SNX15: variants seen among roughly 807,000 people sequenced by gnomAD.
The protein encoded by SNX15 is sorting nexin 15.
A neutral mutation model predicts 35.2 loss-of-function variants in SNX15; 29 were observed. The ratio of observed to expected loss-of-function variants is 0.82; its 90% CI spans 0.61 to 1.12. The LOEUF is 1.12. Among genes scored for constraint, SNX15 ranks in the 50% most tolerant of loss-of-function variants. The pLI is 0.00. For missense variants in SNX15, 400 were observed against 451.5 expected, an observed-to-expected ratio of 0.89 and a Z score of 1.03; for synonymous variants, 189 against 188.2, an observed-to-expected ratio of 1.00 and a Z score of -0.03.
chr11:65,035,545 C>T lies in SNX15; in HGVS notation c.546C>T (p.Ala182=). ...TGGACCCCCCACCATCCAGCCCTGC[C>T]CAGGAGGCCCTGGATCTCCTCTTTA... ...VPVDPPPSSP[A]QEALDLLFNC... The change falls in exon 6 of 8, where the codon GCC becomes GCT. Residue 182 remains alanine (A), a synonymous_variant. Transcript: ENST00000377244. The T allele has an allele frequency of 6.2e-7, 1 of 1,612,782 alleles. No individual in the cohort carries two copies. Among genetic ancestry groups the T allele is most frequent in the Non-Finnish European group, 8.5e-7 (1 of 1,179,282 alleles).
chr11:65,031,586 G>C (rs915550219), intron 1 of SNX15, among the ~76,000 whole-genome samples: 3 of 152,188 alleles, frequency 2.0e-5, no homozygotes, highest in Non-Finnish European at 4.4e-5. Flanking sequence ...TAGATGGAGG[G>C]ACTTGGTCTG....
At chr11:65,036,935 A>G (rs1946510576) in intron 6 of SNX15, 1 of 152,262 alleles carries the variant, frequency 6.6e-6, no homozygotes, top group African/African-American at 2.4e-5. Flanking sequence ...TCCGCCTCCC[A>G]GAGTGCTGAG....
At chr11:65,039,113 C>T (rs746667039) in intron 7 of SNX15, among the ~76,000 whole-genome samples, 31 of 146,254 alleles carry the variant, frequency 2.1e-4, no homozygotes, top group Non-Finnish European at 4.1e-4. Flanking sequence ...AACCTCCGCC[C>T]CCCAGGTTCA....
At position 65,027,639 on chromosome 11, in the gene SNX15, G is replaced by C. The variant is rs1946387262; in HGVS notation, c.99+3G>C. ...CCGAGTACAAAGTAACCGCGCAGGT[G>C]AGGTGGGGCCCAGCGCGTACTTTAC... On this transcript the variant is annotated splice_donor_region_variant and intron_variant, in intron 1 of 7. Coordinates refer to ENST00000377244, the MANE Select transcript of SNX15 (RefSeq NM_013306.5). The C allele has an allele frequency of 6.2e-7, 1 of 1,610,218 alleles. No individual in the cohort carries two copies. Among genetic ancestry groups the C allele is most frequent in the Non-Finnish European group, 8.5e-7 (1 of 1,176,506 alleles).
intron 1 of SNX15, among the ~76,000 whole-genome samples, chr11:65,030,579 A>G (rs1054301537): frequency 1.4e-5 from 2 of 146,684 alleles, no homozygotes; most frequent in African/African-American, 5.1e-5. Flanking sequence ...GCTCACTGCA[A>G]CCTCTGCCTC....
chr11:65,039,696 G>T lies in SNX15; in HGVS notation c.933G>T (p.Leu311Phe). 3 of 1,612,824 alleles carry T rather than the reference G, an allele frequency of 1.9e-6. No homozygotes were observed. Among genetic ancestry groups the T allele is most frequent in the East Asian group, 2.2e-5 (1 of 44,864 alleles). ...VLLQGVPSDPLPARQEGVKKK... is the reference protein window; with the variant it reads ...VLLQGVPSDPFPARQEGVKKK... ...ATTCTCTCTCCACAGGTGACCCGTT[G>T]CCTGCCCGCCAGGAAGGTGTGAAGA... The change falls in exon 8 of 8, where the codon TTG becomes TTT. Residue 311 changes from leucine (L) to phenylalanine (F), a missense_variant. Coordinates refer to ENST00000377244, the MANE Select transcript of SNX15 (RefSeq NM_013306.5).
intron 2 of SNX15, 77 bp downstream of exon 2, chr11:65,032,280 G>C: frequency 6.3e-7 from 1 of 1,576,034 alleles, no homozygotes; most frequent in African/African-American, 1.3e-5. Flanking sequence ...TGGTAACTCT[G>C]CTTGGACATC....
chr11:65,035,676 G>C lies in SNX15; in HGVS notation c.664+13G>C. 1 of 1,593,408 alleles carries C rather than the reference G, an allele frequency of 6.3e-7. No individual in the cohort carries two copies. Among genetic ancestry groups the C allele is most frequent in the Non-Finnish European group, 8.5e-7 (1 of 1,169,892 alleles). ...TTCTCCAAGGAAGGTAATGAGCTGGGACAGCCGGGAAGGAGCCAGGGCAGG... is the reference window on the plus strand; with the variant it reads ...TTCTCCAAGGAAGGTAATGAGCTGGCACAGCCGGGAAGGAGCCAGGGCAGG... On this transcript the variant is annotated intron_variant, in intron 6 of 7. Transcript: ENST00000377244.
chr11:65,032,130 GTC>G (rs1237268044), intron 1 of SNX15, 36 bp from the exon 2 acceptor site: 1 of 1,609,424 alleles, frequency 6.2e-7, no homozygotes, highest in African/African-American at 1.3e-5. Context: ...TCAGATGGCA[GTC>G]TCTGGTCTCA....
chr11:65,039,029 C>CTGTTTTTTTTTTTTTTTTTTT (rs1946537994), intron 7 of SNX15, among the ~76,000 whole-genome samples, 200 bp downstream of exon 7: 1 of 72,528 alleles, frequency 1.4e-5, no homozygotes, highest in African/African-American at 4.6e-5. Context: ...TCTTCTTCCT[C>CTGTTTTTTTTTTTTTTTTTTT]TTTTTTTTTT....
At chr11:65,038,391 A>G in intron 6 of SNX15, 181 bp from the exon 7 acceptor site, 1 of 1,136,444 alleles carries the variant, frequency 8.8e-7, no homozygotes, top group South Asian at 2.7e-5. Flanking sequence ...CATGAACCCT[A>G]TCGATCAAAT....
At chr11:65,030,526 G>A (rs1216388754) in intron 1 of SNX15, among the ~76,000 whole-genome samples, 1 of 142,614 alleles carries the variant, frequency 7.0e-6, no homozygotes, top group African/African-American at 2.6e-5. Flanking sequence ...TTGAGATGGA[G>A]TCTCACTGTG....
intron 6 of SNX15, chr11:65,036,763 TC>T (rs1197227278): frequency 6.6e-6 from 1 of 150,938 alleles, no homozygotes; most frequent in Non-Finnish European, 1.5e-5. Context: ...CACCTCCGCC[TC>T]CCGGATTCAA....
chr11:65,034,726 T>C, intron 3 of SNX15, 121 bp from the exon 4 acceptor site: 1 of 678,580 alleles, frequency 1.5e-6, no homozygotes, highest in Non-Finnish European at 2.5e-6. Flanking sequence ...GCTGGGAGAA[T>C]GGGTAGGAGG....
chr11:65,028,475 A>G (rs1188191315), intron 1 of SNX15, among the ~76,000 whole-genome samples: 1 of 152,212 alleles, frequency 6.6e-6, no homozygotes, highest in Non-Finnish European at 1.5e-5. Context: ...GCAGAATCTT[A>G]GCTATTTAAA....
intron 1 of SNX15, among the ~76,000 whole-genome samples, chr11:65,029,245 C>T (rs911539174): frequency 6.6e-6 from 1 of 150,450 alleles, no homozygotes; most frequent in African/African-American, 2.4e-5. Context: ...TGCAAACTTC[C>T]GTCGCCCGGG....
intron 1 of SNX15, among the ~76,000 whole-genome samples, chr11:65,028,895 C>T (rs1033550574): frequency 8.6e-5 from 13 of 151,694 alleles, no homozygotes; most frequent in Admixed American, 8.6e-4. Flanking sequence ...AGATCGAGAC[C>T]ATCCTGGCTA....
At chr11:65,036,900 C>T (rs1336575761) in intron 6 of SNX15, 2 of 152,254 alleles carry the variant, frequency 1.3e-5, no homozygotes. Context: ...TCTCAAACTC[C>T]TGACACTCAA....
Position 65,032,496 on chromosome 11 carries a change from C to G in SNX15, c.201C>G (p.Arg67=). 1 of 1,614,222 alleles carries G rather than the reference C, an allele frequency of 6.2e-7. No homozygotes were observed. The highest frequency in any genetic ancestry group is 1.1e-5 in the South Asian group (1 of 91,084). ...KLHGDLAYTH[R]NLFRRLEEFP... is the part of the protein sequence containing the mutation. ...ATGGAGACCTGGCCTACACCCACCG[C>G]AACCTCTTCCGCCGCCTCGAGGAGT... is the stretch of plus-strand genomic sequence containing the variant. The change falls in exon 3 of 8, where the codon CGC becomes CGG. Residue 67 remains arginine, a synonymous_variant. Coordinates refer to ENST00000377244, the MANE Select transcript of SNX15 (RefSeq NM_013306.5).
Sources: gnomAD v4.1 joint callset for allele counts (sites outside exome capture counted in the v4.1 genomes callset) on GRCh38, gnomAD v4.1.1 for gene constraint, MANE v1.5 for transcripts, NCBI Gene and HGNC (gene_info 2026-07-23, HGNC 2026-07-21) for gene names.